Variants in TOP2B observed in about 807,000 individuals in gnomAD.
TOP2B encodes the protein DNA topoisomerase 2-beta.
Under a neutral mutation model 193.5 loss-of-function variants are expected in TOP2B, and 51 were observed. That is an observed-to-expected ratio of 0.26 (90% CI 0.21 to 0.33). The LOEUF (loss-of-function observed/expected upper bound fraction) is 0.33. Among genes scored for constraint, TOP2B ranks in the 10% least tolerant of loss-of-function variants. The pLI, the probability that TOP2B is intolerant of heterozygous loss-of-function variation, is 1.00. For missense variants in TOP2B, 1,378 were observed against 1,909.3 expected (o/e 0.72, Z 5.19); for synonymous variants, 634 against 635.7 (o/e 1.00, Z 0.04).
At position 25,632,875 on chromosome 3, in the gene TOP2B, T is replaced by C. The variant is rs180810096; in HGVS notation, c.1027-81A>G. On this transcript the variant is annotated intron_variant, in intron 8 of 35. Coordinates refer to ENST00000264331, the MANE Select transcript of TOP2B (RefSeq NM_001330700.2). Reference sequence around the variant, plus strand: ...TACTTTATCTGTATTATAAACCCTATTTTCTAAAAGAGTAATAGAGTCTCA... The same window carrying C: ...TACTTTATCTGTATTATAAACCCTACTTTCTAAAAGAGTAATAGAGTCTCA... 2.2e-3 allele frequency: 2,596 copies of C among 1,198,384 alleles called. 38 individuals carry two copies. The highest frequency in any genetic ancestry group is 6.1e-4 in the Non-Finnish European group (509 of 830,272). The allele number at this position is 1,198,384 out of a possible 1,614,324, so 74.2% of individuals were successfully genotyped here.
At chr3:25,602,239 T>A (rs1262016106) in intron 33 of TOP2B, among the ~76,000 whole-genome samples, 1 of 151,500 alleles carries the variant, frequency 6.6e-6, no homozygotes, top group African/African-American at 2.4e-5. Context: ...CTACTAAAAA[T>A]ACAAAAAATT....
rs149306408 is a variant in TOP2B, at chr3:25,607,060, A to G, written c.4298+111T>C. The G allele has an allele frequency of 3.0e-4, 416 of 1,408,000 alleles. 2 individuals carry two copies. The African/African-American group carries it at 5.8e-3, about 20-fold the overall frequency. The allele number at this position is 1,408,000 out of a possible 1,614,324, so 87.2% of individuals were successfully genotyped here. ...TATTAACAAGATTGATTCCTTCATG[A>G]AGAAGAACTTGCCTAGAATGATAAC... On this transcript the variant is annotated intron_variant, in intron 31 of 35. Coordinates refer to ENST00000264331, the MANE Select transcript of TOP2B (RefSeq NM_001330700.2).
At chr3:25,611,925 C>T (rs1391303917) in intron 28 of TOP2B, among the ~76,000 whole-genome samples, 1 of 151,642 alleles carries the variant, frequency 6.6e-6, no homozygotes, top group Non-Finnish European at 1.5e-5. Flanking sequence ...GTTTTGGCTT[C>T]CAAGATTTTT....
intron 22 of TOP2B, 144 bp from the exon 23 acceptor site, chr3:25,620,206 T>C (rs1702622663): frequency 1.6e-6 from 1 of 613,732 alleles, no homozygotes; most frequent in Admixed American, 3.0e-5. Flanking sequence ...ATCCAATCAG[T>C]ATAGAAGGCA....
chr3:25,624,745 A>G lies in TOP2B; in HGVS notation c.2283T>C (p.Arg761=). The change falls in exon 19 of 36, where the codon CGT becomes CGC. Residue 761 remains arginine (R), a synonymous_variant. Transcript: ENST00000264331. ...CAGCCAACTGGGCAACTTTTACTTC[A>G]CGTTTATCATTCCTCTTGAAACAGG... ...LFTCFKRNDK[R]EVKVAQLAGS... The G allele has an allele frequency of 6.2e-7, 1 of 1,613,768 alleles. No homozygotes were observed. Among genetic ancestry groups the G allele is most frequent in the Non-Finnish European group, 8.5e-7 (1 of 1,179,764 alleles).
chr3:25,632,402 C>T, intron 10 of TOP2B, 44 bp downstream of exon 10: 2 of 1,464,886 alleles, frequency 1.4e-6, no homozygotes, highest in Non-Finnish European at 1.8e-6. Flanking sequence ...ACTACCTAAT[C>T]AACTCTTAAT....
At chr3:25,631,203 G>T (rs1290031278) in intron 10 of TOP2B, among the ~76,000 whole-genome samples, 1 of 152,038 alleles carries the variant, frequency 6.6e-6, no homozygotes, top group Admixed American at 6.6e-5. Flanking sequence ...TGAGGAATAT[G>T]CATTGCTCTT....
At chr3:25,642,785 A>G (rs1703301479) in intron 3 of TOP2B, among the ~76,000 whole-genome samples, 2 of 152,190 alleles carry the variant, frequency 1.3e-5, no homozygotes, top group Admixed American at 6.5e-5. Context: ...GTGACTTTAT[A>G]GGCATATTGA....
chr3:25,638,755 T>A (rs763332801), intron 4 of TOP2B, among the ~76,000 whole-genome samples: 10 of 152,152 alleles, frequency 6.6e-5, no homozygotes, highest in Admixed American at 2.0e-4. Flanking sequence ...TAAGTCCATA[T>A]GAGTATGAAA....
chr3:25,626,794 C>T lies in TOP2B; in HGVS notation c.2087G>A (p.Arg696His), dbSNP rs1237274129. The T allele has an allele frequency of 7.5e-6, 12 of 1,608,470 alleles. No individual in the cohort carries two copies. The highest frequency in any genetic ancestry group is 1.0e-5 in the Non-Finnish European group (12 of 1,177,560). Reference sequence around the variant, plus strand: ...AACCTCTGGTAAGCCATGTAGCCTACGCTGTCTCCGGTCTTCCATAAAATT... The same window carrying T: ...AACCTCTGGTAAGCCATGTAGCCTATGCTGTCTCCGGTCTTCCATAAAATT... ...LTNFMEDRRQ[R>H]RLHGLPEQFL... Residue 696 changes from arginine to histidine, a missense_variant, in exon 17 of 36, where the codon CGT becomes CAT. Transcript: ENST00000264331.
chr3:25,636,453 A>G (rs1001299126), intron 6 of TOP2B, among the ~76,000 whole-genome samples: 5 of 152,146 alleles, frequency 3.3e-5, no homozygotes, highest in Admixed American at 6.6e-5. Context: ...ATTACATATT[A>G]TAAGTAATCT....
chr3:25,632,919 T>TA (rs1189272535), intron 8 of TOP2B, 125 bp from the exon 9 acceptor site: 7 of 795,532 alleles, frequency 8.8e-6, no homozygotes, highest in East Asian at 2.7e-5. Context: ...GTTGAGATTT[T>TA]AAAAAAATAA....
At chr3:25,649,436 G>A (rs545906399) in intron 1 of TOP2B, among the ~76,000 whole-genome samples, 1 of 151,994 alleles carries the variant, frequency 6.6e-6, no homozygotes, top group South Asian at 2.1e-4. Context: ...ACTACACCAA[G>A]ACACATCATA....
intron 28 of TOP2B, 82 bp downstream of exon 28, chr3:25,612,433 T>G (rs1702396786): frequency 2.9e-6 from 3 of 1,027,210 alleles, no homozygotes; most frequent in Admixed American, 2.5e-5. Context: ...AAGCATGATT[T>G]AAACACGCAT....
chr3:25,627,177 AC>A lies in TOP2B; in HGVS notation c.2016+9del. On this transcript the variant is annotated intron_variant, in intron 16 of 35. Coordinates refer to ENST00000264331, the MANE Select transcript of TOP2B (RefSeq NM_001330700.2). The stretch of plus-strand genomic sequence containing the variant: ...GCTAACAAAAGCTTTTAAAAAATTA[AC>A]TTAATTACCAAGGTAATGGCAGCAT... 1 of 1,578,196 alleles carries A rather than the reference AC, an allele frequency of 6.3e-7. No individual in the cohort carries two copies. The highest frequency in any genetic ancestry group is 8.6e-7 in the Non-Finnish European group (1 of 1,160,250).
At chr3:25,613,861 A>G (rs958625217) in intron 27 of TOP2B, among the ~76,000 whole-genome samples, 3 of 152,208 alleles carry the variant, frequency 2.0e-5, no homozygotes, top group Non-Finnish European at 4.4e-5. Context: ...CTATAATGAT[A>G]TAATTCCTAA....
intron 13 of TOP2B, 128 bp from the exon 14 acceptor site, chr3:25,629,273 G>A: frequency 1.7e-6 from 1 of 595,738 alleles, no homozygotes; most frequent in Non-Finnish European, 2.8e-6. Flanking sequence ...TTTTACAAAA[G>A]CTATTAAGAT....
intron 10 of TOP2B, among the ~76,000 whole-genome samples, chr3:25,631,825 A>G (rs1702967765): frequency 6.6e-6 from 1 of 152,068 alleles, no homozygotes; most frequent in Non-Finnish European, 1.5e-5. Context: ...TAGAACCTAA[A>G]AAACAACTTT....
chr3:25,610,081 A>AC (rs1307852134), intron 28 of TOP2B, among the ~76,000 whole-genome samples: 1 of 151,724 alleles, frequency 6.6e-6, no homozygotes, highest in East Asian at 1.9e-4. Context: ...AAATCCTGTA[A>AC]CCCCAGCTAC....
Sources: allele counts gnomAD v4.1 joint callset (sites outside exome capture counted in the v4.1 genomes callset), GRCh38; gene constraint gnomAD v4.1.1; transcripts MANE v1.5; gene names NCBI Gene and HGNC (gene_info 2026-07-23, HGNC 2026-07-21).